Variants in MYO1E observed in about 807,000 individuals in gnomAD.
MYO1E encodes unconventional myosin-Ie.
Under a neutral mutation model 151.1 loss-of-function variants are expected in MYO1E, and 68 were observed. The observed-to-expected ratio is 0.45, with a 90% CI of 0.37 to 0.55. MYO1E has a LOEUF of 0.55. Among genes scored for constraint, MYO1E ranks in the 20% least tolerant of loss-of-function variants. MYO1E has a pLI of 0.00. For synonymous variants in MYO1E, 601 were observed against 501.7 expected (o/e 1.20, Z -2.64); for missense variants, 1,363 against 1,389.3 (o/e 0.98, Z 0.30).
At chr15:59,239,495 T>C (rs1438010929) in intron 4 of MYO1E, among the ~76,000 whole-genome samples, 2 of 151,738 alleles carry the variant, frequency 1.3e-5, no homozygotes, top group African/African-American at 4.8e-5. Context: ...TAAAGGGGAA[T>C]TTATTAAATT....
chr15:59,260,860 T>G (rs748380009), intron 3 of MYO1E, among the ~76,000 whole-genome samples: 1 of 152,166 alleles, frequency 6.6e-6, no homozygotes, highest in South Asian at 2.1e-4. Flanking sequence ...TACATCCTAT[T>G]TAACTAATTT....
intron 2 of MYO1E, 132 bp downstream of exon 2, chr15:59,272,174 G>C: frequency 4.0e-6 from 4 of 1,004,790 alleles, no homozygotes; most frequent in Non-Finnish European, 6.3e-6. Context: ...AGGATGGTCT[G>C]GAACTCCTGC....
At chr15:59,160,549 A>G (rs2079532616) in intron 24 of MYO1E, among the ~76,000 whole-genome samples, 1 of 151,712 alleles carries the variant, frequency 6.6e-6, no homozygotes, top group Admixed American at 6.6e-5. Context: ...GGCTGGGACT[A>G]CAGGCATGCA....
intron 1 of MYO1E, among the ~76,000 whole-genome samples, chr15:59,327,529 T>A (rs1397909566): frequency 2.0e-5 from 3 of 152,040 alleles, no homozygotes; most frequent in Admixed American, 2.0e-4. Context: ...TTCCCAGGCT[T>A]GTCTCAAACT....
chr15:59,344,038 T>C (rs748789781), intron 1 of MYO1E, among the ~76,000 whole-genome samples: 2 of 152,214 alleles, frequency 1.3e-5, no homozygotes, highest in Non-Finnish European at 2.9e-5. Flanking sequence ...GGTAAGGCCA[T>C]GTTTTCCCAG....
intron 1 of MYO1E, among the ~76,000 whole-genome samples, chr15:59,305,258 A>T (rs1279166544): frequency 6.6e-6 from 1 of 152,116 alleles, no homozygotes; most frequent in Non-Finnish European, 1.5e-5. Flanking sequence ...CAGTGGCATG[A>T]TCTCAGCTCA....
At chr15:59,268,226 C>T (rs1424552551) in intron 2 of MYO1E, among the ~76,000 whole-genome samples, 2 of 152,256 alleles carry the variant, frequency 1.3e-5, no homozygotes. Context: ...GCAGCAGAGC[C>T]CCTGTATTAT....
rs2080817354 is a variant in MYO1E, at chr15:59,350,499, T to C, written c.3+21999A>G. ...AAAAGACACAGGAGAATGTAGTGTC[T>C]GCCCTCAGAGACTACATGCATTACT... is the stretch of plus-strand genomic sequence containing the variant. On this transcript the variant is annotated intron_variant, in intron 1 of 27. Transcript: ENST00000288235. The surrounding 1 kb of genome is among the most constrained non-coding windows in gnomAD (Gnocchi z 5.0). 6.6e-6 allele frequency among the ~76,000 whole-genome samples: 1 copy of C among 152,196 alleles called. No individual in the cohort carries two copies. Among genetic ancestry groups the C allele is most frequent in the Non-Finnish European group, 1.5e-5 (1 of 68,034 alleles).
chr15:59,371,543 T>C (rs990393826), intron 1 of MYO1E, among the ~76,000 whole-genome samples: 17 of 151,798 alleles, frequency 1.1e-4, no homozygotes, highest in African/African-American at 3.9e-4. Context: ...TGGCTAAGGT[T>C]ATACAGGGAG....
At chr15:59,152,391 T>TG in intron 26 of MYO1E, among the ~76,000 whole-genome samples, 1 of 152,036 alleles carries the variant, frequency 6.6e-6, no homozygotes, top group South Asian at 2.1e-4. Context: ...CAGTGGAAAA[T>TG]GGAAGTGGGC....
At chr15:59,344,188 T>C (rs2080781161) in intron 1 of MYO1E, among the ~76,000 whole-genome samples, 1 of 152,252 alleles carries the variant, frequency 6.6e-6, no homozygotes, top group Admixed American at 6.5e-5. Context: ...ACTTGGTTGT[T>C]ATGATCTAAG....
intron 4 of MYO1E, among the ~76,000 whole-genome samples, chr15:59,247,285 G>A (rs1282239152): frequency 1.3e-5 from 2 of 152,168 alleles, no homozygotes; most frequent in African/African-American, 4.8e-5. Context: ...AACTAACCTG[G>A]CGAACCTGTC....
At position 59,344,598 on chromosome 15, in the gene MYO1E, C is replaced by A. The variant is rs75117482; in HGVS notation, c.3+27900G>T. On this transcript the variant is annotated intron_variant, in intron 1 of 27. Coordinates refer to ENST00000288235, the MANE Select transcript of MYO1E (RefSeq NM_004998.4). ...CTTGTGTCCTTTCCTTCAGGACAGC[C>A]CTGGGCCCAGGTAGGTCCAGAGATG... is the stretch of plus-strand genomic sequence containing the variant. Among the ~76,000 whole-genome samples the A allele has an allele frequency of 5.4e-3, 827 of 152,320 alleles. 10 individuals are homozygous for A. Among genetic ancestry groups the A allele is most frequent in the African/African-American group, 0.019 (794 of 41,578 alleles).
chr15:59,154,755 C>G (rs1216556698), intron 25 of MYO1E, among the ~76,000 whole-genome samples: 1 of 152,188 alleles, frequency 6.6e-6, no homozygotes, highest in South Asian at 2.1e-4. Context: ...GAAAGAACCA[C>G]GAGATAGGTC....
At chr15:59,144,778 A>C (rs758442791) in intron 26 of MYO1E, among the ~76,000 whole-genome samples, 1 of 152,154 alleles carries the variant, frequency 6.6e-6, no homozygotes, top group African/African-American at 2.4e-5. Flanking sequence ...ACAGCCTCGA[A>C]AACCCAGGCA....
At chr15:59,324,659 C>T (rs2080651167) in intron 1 of MYO1E, among the ~76,000 whole-genome samples, 2 of 8,546 alleles carry the variant, frequency 2.3e-4, no homozygotes, top group South Asian at 0.023. Context: ...TATCCCCATC[C>T]CAAGCCCCCC....
intron 13 of MYO1E, 98 bp downstream of exon 13, chr15:59,210,416 T>A: frequency 1.2e-6 from 1 of 861,768 alleles, no homozygotes; most frequent in Admixed American, 1.8e-5. Flanking sequence ...CAAATCAGAG[T>A]TGTCACTTTG....
intron 5 of MYO1E, among the ~76,000 whole-genome samples, 199 bp downstream of exon 5, chr15:59,236,381 CACACA>C (rs2080065527): frequency 1.1e-5 from 1 of 87,202 alleles, no homozygotes; most frequent in Non-Finnish European, 2.7e-5. Context: ...CACACACACA[CACACA>C]CACACACACA....
At chr15:59,175,571 G>A (rs1566970866) in intron 19 of MYO1E, among the ~76,000 whole-genome samples, 1 of 152,124 alleles carries the variant, frequency 6.6e-6, no homozygotes, top group Non-Finnish European at 1.5e-5. Context: ...GTAAACAATA[G>A]GCATAAGGAC....
Sources: allele counts gnomAD v4.1 joint callset (sites outside exome capture counted in the v4.1 genomes callset), GRCh38; gene constraint gnomAD v4.1.1; non-coding constraint Gnocchi (gnomAD v3.1); transcripts MANE v1.5; gene names NCBI Gene and HGNC (gene_info 2026-07-23, HGNC 2026-07-21).